STPG2: variants seen among roughly 807,000 people sequenced by gnomAD.
STPG2 encodes the protein sperm tail PG-rich repeat containing 2, also known as sperm-tail PG-rich repeat-containing protein 2.
STPG2 carries 56 observed loss-of-function variants against 54.2 expected under a neutral mutation model. The observed-to-expected ratio is 1.03, with a 90% CI of 0.83 to 1.29. The LOEUF (loss-of-function observed/expected upper bound fraction) is 1.29. Among genes scored for constraint, STPG2 ranks in the 50% most tolerant of loss-of-function variants. The pLI, the probability that STPG2 is intolerant of heterozygous loss-of-function variation, is 0.00. For synonymous variants in STPG2, 200 were observed against 181.8 expected (o/e 1.10, Z -0.81); for missense variants, 596 against 544.9 (o/e 1.09, Z -0.93).
chr4:97,592,908 C>T (rs1733182123), intron 10 of STPG2, among the ~76,000 whole-genome samples: 2 of 152,106 alleles, frequency 1.3e-5, no homozygotes, highest in East Asian at 3.9e-4. Context: ...CTCTGTAGAG[C>T]CCAGAGTGTT....
At chr4:97,873,235 T>G (rs1472714741) in intron 8 of STPG2, among the ~76,000 whole-genome samples, 1 of 151,032 alleles carries the variant, frequency 6.6e-6, no homozygotes, top group Non-Finnish European at 1.5e-5. Context: ...CTTCCCTTCT[T>G]TCTCCTTTCC....
chr4:97,981,091 C>T, intron 6 of STPG2, 68 bp downstream of exon 6: 2 of 1,502,708 alleles, frequency 1.3e-6, no homozygotes, highest in East Asian at 4.6e-5. Context: ...CTGGTGTATC[C>T]ATCTTGTTAA....
chr4:97,694,070 C>T (rs1723472174), intron 10 of STPG2, among the ~76,000 whole-genome samples: 1 of 151,876 alleles, frequency 6.6e-6, no homozygotes, highest in Non-Finnish European at 1.5e-5. Context: ...TCTTAAAGAG[C>T]ACAAATAGAC....
rs550555283 is a variant in STPG2 at position 97,581,458 on chromosome 4, T to TA, written c.1321-22342dup. Among the ~76,000 whole-genome samples, 629 of 152,254 alleles carry TA rather than the reference T, an allele frequency of 4.1e-3. 3 individuals are homozygous for TA. The highest frequency in any genetic ancestry group is 0.014 in the African/African-American group (601 of 41,556). On this transcript the variant is annotated intron_variant, in intron 10 of 10. Coordinates refer to ENST00000295268, the MANE Select transcript of STPG2 (RefSeq NM_174952.3). ...TACGGAGAACAATGCAGAAATCATT[T>TA]AAAAGCAGATTAGGCAGTGTAAGTT...
chr4:97,513,423 T>C (rs946201357), intron 4 of STPG2, among the ~76,000 whole-genome samples: 4 of 152,036 alleles, frequency 2.6e-5, no homozygotes, highest in African/African-American at 9.7e-5. Flanking sequence ...TTCCCAGAAG[T>C]TGGGAAATGG....
chr4:97,632,818 ATAAGG>A (rs1250699410), intron 10 of STPG2, among the ~76,000 whole-genome samples: 5 of 152,198 alleles, frequency 3.3e-5, no homozygotes, highest in African/African-American at 4.8e-5. Flanking sequence ...AGTGATCAGA[ATAAGG>A]TAAGTAAGCT....
intron 4 of STPG2, among the ~76,000 whole-genome samples, chr4:97,530,571 C>T (rs984571966): frequency 6.6e-6 from 1 of 151,758 alleles, no homozygotes; most frequent in East Asian, 1.9e-4. Flanking sequence ...ATTCACTGAT[C>T]AATATTTTTT....
At chr4:98,116,187 T>C (rs1464235436) in intron 3 of STPG2, among the ~76,000 whole-genome samples, 3 of 151,772 alleles carry the variant, frequency 2.0e-5, no homozygotes, top group African/African-American at 7.2e-5. Context: ...GAAAGGATTT[T>C]ATACATGCAG....
rs150857808 is a variant in STPG2 at position 97,552,313 on chromosome 4, A to C, written c.462+160386T>G. 4.1e-4 allele frequency among the ~76,000 whole-genome samples: 63 copies of C among 152,256 alleles called. 1 individual carries two copies. Among genetic ancestry groups the C allele is most frequent in the Admixed American group, 2.0e-3 (30 of 15,276 alleles). ...AAGTGAGTAAATATATGAAAAACAT[A>C]ATAGTTCTTACATAGGATAAGTGCC... On this transcript the variant is annotated intron_variant, in intron 4 of 4. Coordinates refer to the STPG2 transcript ENST00000522676.
At chr4:97,972,479 GC>G (rs1734365159) in intron 6 of STPG2, 39 bp from the exon 7 acceptor site, 2 of 1,194,576 alleles carry the variant, frequency 1.7e-6, no homozygotes, top group African/African-American at 3.1e-5. Context: ...GAATAAGCAT[GC>G]TTTTATATGC....
chr4:98,143,057 T>G lies in STPG2; in HGVS notation c.94A>C (p.Lys32Gln). Reference sequence around the variant, plus strand: ...TACATCTTACCTGTCGCCTGCTGCTTCAGGAAAGGTACCTGGTAGGATCCA... The same window carrying G: ...TACATCTTACCTGTCGCCTGCTGCTGCAGGAAAGGTACCTGGTAGGATCCA... ...GPGSYQVPFL[K>Q]QQATGSNAPF... Residue 32 changes from lysine (K) to glutamine (Q), a missense_variant, in exon 1 of 11, where the codon AAG becomes CAG. Lys to Gln is a moderately conservative substitution (Grantham distance 53, BLOSUM62 1). Coordinates refer to ENST00000295268, the MANE Select transcript of STPG2 (RefSeq NM_174952.3). 1 of 1,612,792 alleles carries G rather than the reference T, an allele frequency of 6.2e-7. No homozygotes were observed. Among genetic ancestry groups the G allele is most frequent in the South Asian group, 1.1e-5 (1 of 90,730 alleles).
At chr4:97,553,046 C>T (rs1732000267) in intron 4 of STPG2, among the ~76,000 whole-genome samples, 2 of 152,066 alleles carry the variant, frequency 1.3e-5, no homozygotes, top group South Asian at 4.1e-4. Context: ...TAATCTACAC[C>T]CATTATAGAA....
At chr4:97,814,905 C>T (rs1429193865) in intron 9 of STPG2, among the ~76,000 whole-genome samples, 3 of 152,032 alleles carry the variant, frequency 2.0e-5, no homozygotes. Flanking sequence ...ACCCTGTGAT[C>T]GTGTGAGTTA....
intron 8 of STPG2, among the ~76,000 whole-genome samples, chr4:97,893,440 C>A (rs1014295779): frequency 6.6e-6 from 1 of 151,982 alleles, no homozygotes; most frequent in African/African-American, 2.4e-5. Context: ...ATTTCTCTTT[C>A]GTTTAAAATA....
chr4:98,040,953 G>C (rs1216919535), intron 5 of STPG2, among the ~76,000 whole-genome samples: 1 of 151,754 alleles, frequency 6.6e-6, no homozygotes, highest in Non-Finnish European at 1.5e-5. Context: ...CAACAATATT[G>C]ATTCTTCCCA....
At chr4:98,136,910 C>A in intron 1 of STPG2, among the ~76,000 whole-genome samples, 1 of 151,508 alleles carries the variant, frequency 6.6e-6, no homozygotes, top group Admixed American at 6.6e-5. Flanking sequence ...TTTTTAAAAA[C>A]CTTTATTCCT....
intron 10 of STPG2, among the ~76,000 whole-genome samples, chr4:97,707,332 C>T (rs1723978230): frequency 1.3e-5 from 2 of 151,986 alleles, no homozygotes; most frequent in Admixed American, 1.3e-4. Context: ...CCAGCCTGGG[C>T]AACAGGGCAA....
chr4:98,133,377 C>CA (rs1740052837), intron 2 of STPG2, among the ~76,000 whole-genome samples: 1 of 152,024 alleles, frequency 6.6e-6, no homozygotes, highest in Admixed American at 6.6e-5. Flanking sequence ...TTCACATGTC[C>CA]AGTTGTTCAC....
chr4:98,044,738 C>A (rs1737071515), intron 5 of STPG2, among the ~76,000 whole-genome samples: 1 of 152,124 alleles, frequency 6.6e-6, no homozygotes, highest in Admixed American at 6.5e-5. Context: ...CAGGAATTAA[C>A]AGATCAGAAT....
Sources: gnomAD v4.1 joint callset for allele counts (sites outside exome capture counted in the v4.1 genomes callset) on GRCh38, gnomAD v4.1.1 for gene constraint, MANE v1.5 for transcripts, NCBI Gene and HGNC (gene_info 2026-07-23, HGNC 2026-07-21) for gene names.